Variants in CD84 observed in about 807,000 individuals in gnomAD.
CD84 encodes SLAM family member 5.
CD84 carries 22 observed loss-of-function variants against 33.8 expected under a neutral mutation model. That is an observed-to-expected ratio of 0.65 (90% confidence interval 0.46 to 0.93). The LOEUF (loss-of-function observed/expected upper bound fraction) is 0.93, where lower values mean the gene tolerates loss of function less well. Among genes scored for constraint, CD84 ranks in the 40% least tolerant of loss-of-function variants. CD84 has a pLI of 0.00. For missense variants in CD84, 400 were observed against 397.6 expected (o/e 1.01, Z -0.05); for synonymous variants, 154 against 145.2 (o/e 1.06, Z -0.44).
intron 1 of CD84, among the ~76,000 whole-genome samples, chr1:160,575,374 A>G (rs1657931596): frequency 6.6e-6 from 1 of 152,126 alleles, no homozygotes; most frequent in Non-Finnish European, 1.5e-5. Context: ...GTCCTTGATC[A>G]TGAGGTTTTA....
At chr1:160,561,784 T>C (rs73505242) in intron 2 of CD84, among the ~76,000 whole-genome samples, 7,554 of 152,072 alleles carry the variant, frequency 0.05, 634 homozygotes, top group African/African-American at 0.17. Flanking sequence ...AGGCCAATAT[T>C]TTCTTAAGCT....
chr1:160,551,543 T>G (rs1656222350), intron 4 of CD84: 1 of 162,770 alleles, frequency 6.1e-6, no homozygotes, highest in South Asian at 1.7e-4. Context: ...TCACAGTCTG[T>G]TTTTGTTTGT....
intron 1 of CD84, among the ~76,000 whole-genome samples, chr1:160,568,909 C>T (rs1029649826): frequency 6.6e-6 from 1 of 152,306 alleles, no homozygotes; most frequent in East Asian, 1.9e-4. Context: ...GTCACAAAAC[C>T]TTTCTGAACC....
At chr1:160,568,180 A>C (rs907368669) in intron 1 of CD84, among the ~76,000 whole-genome samples, 10 of 152,102 alleles carry the variant, frequency 6.6e-5, no homozygotes, top group Non-Finnish European at 1.5e-5. Context: ...TCTCTCACTA[A>C]ACCCCAGGAA....
At chr1:160,561,624 A>G (rs1297621019) in intron 2 of CD84, among the ~76,000 whole-genome samples, 1 of 152,206 alleles carries the variant, frequency 6.6e-6, no homozygotes, top group African/African-American at 2.4e-5. Flanking sequence ...GCCCTCTTTC[A>G]TCACTCCTAT....
chr1:160,542,698 A>C lies in CD84; in HGVS notation c.*5558T>G, dbSNP rs1354780994. ...TTGAGAACTGTCTGGGCAATCAGCC[A>C]GCAACAGTTAATAATTATCATCCAT... is the stretch of plus-strand genomic sequence containing the variant. On this transcript the variant is annotated 3_prime_UTR_variant, in exon 7 of 7. Coordinates refer to ENST00000368054, the MANE Select transcript of CD84 (RefSeq NM_003874.4). 6.6e-6 allele frequency: 1 copy of C among 152,252 alleles called. No individual in the cohort carries two copies. The highest frequency in any genetic ancestry group is 1.9e-4 in the East Asian group (1 of 5,206). 9.4% of individuals were successfully genotyped at this position (152,252 alleles called of 1,614,324 possible).
intron 1 of CD84, among the ~76,000 whole-genome samples, chr1:160,578,955 T>C (rs150939143): frequency 1.4e-3 from 214 of 152,288 alleles, no homozygotes; most frequent in African/African-American, 5.0e-3. Context: ...CATCCATCAC[T>C]CTAACCTGAT....
intron 6 of CD84, among the ~76,000 whole-genome samples, chr1:160,548,667 GT>G (rs918570361): frequency 2.0e-5 from 3 of 152,236 alleles, no homozygotes; most frequent in Non-Finnish European, 2.9e-5. Context: ...TTGACCCCTA[GT>G]TTTTTTGTAT....
intron 1 of CD84, among the ~76,000 whole-genome samples, chr1:160,576,227 G>A (rs1207039550): frequency 6.6e-6 from 1 of 152,102 alleles, no homozygotes; most frequent in South Asian, 2.1e-4. Context: ...GTTACCCATA[G>A]TGAGCCCACT....
rs1656143378 is a variant in CD84 at position 160,550,587 on chromosome 1, T to C, written c.858+351A>G. 3 of 980,876 alleles carry C rather than the reference T, an allele frequency of 3.1e-6. No homozygotes were observed. In the African/African-American group the frequency reaches 5.2e-5, roughly 17 times the overall value. The allele number at this position is 980,876 out of a possible 1,614,324, so 60.8% of individuals were successfully genotyped here. A position where few individuals can be genotyped will look rare whatever the true frequency, so the allele number is the denominator to read the frequency against. The stretch of plus-strand genomic sequence containing the variant: ...CCCCTTAGCAACCTGTTCACCACGT[T>C]GGTAGTCACATAGCAGCCCTCACCT... On this transcript the variant is annotated intron_variant, in intron 5 of 6. Transcript: ENST00000368054.
At chr1:160,571,092 T>A (rs1657666711) in intron 1 of CD84, 1 of 152,054 alleles carries the variant, frequency 6.6e-6, no homozygotes, top group African/African-American at 2.4e-5. Flanking sequence ...CTCCGCACTT[T>A]TTTACATGAG....
intron 1 of CD84, among the ~76,000 whole-genome samples, chr1:160,572,248 T>C (rs1294521054): frequency 6.6e-6 from 1 of 152,124 alleles, no homozygotes; most frequent in African/African-American, 2.4e-5. Flanking sequence ...AGTGGACATT[T>C]TGGAATAGAT....
At chr1:160,570,459 G>T (rs1002717994) in intron 1 of CD84, among the ~76,000 whole-genome samples, 1 of 152,168 alleles carries the variant, frequency 6.6e-6, no homozygotes, top group Non-Finnish European at 1.5e-5. Flanking sequence ...GAGCCACCCA[G>T]AGTAAAGACT....
At position 160,542,916 on chromosome 1, in the gene CD84, G is replaced by GTTT. The variant is rs201121353; in HGVS notation, c.*5337_*5339dup. ...TATTTAAGTCTAAACATGCACAGTTGTTTTTTTTAACCACTAAATTGTTCA... is the reference window on the plus strand; with the variant it reads ...TATTTAAGTCTAAACATGCACAGTTGTTTTTTTTTTTAACCACTAAATTGTTCA... On this transcript the variant is annotated 3_prime_UTR_variant, in exon 7 of 7. Transcript: ENST00000368054. The GTTT allele has an allele frequency of 2.0e-5, 3 of 151,712 alleles. No individual in the cohort carries two copies. The highest frequency in any genetic ancestry group is 7.3e-5 in the African/African-American group (3 of 41,288). 9.4% of individuals were successfully genotyped at this position (151,712 alleles called of 1,614,324 possible). A position where few individuals can be genotyped will look rare whatever the true frequency, so the allele number is the denominator to read the frequency against.
chr1:160,552,697 G>T (rs1053508553), intron 4 of CD84: 28 of 1,543,444 alleles, frequency 1.8e-5, no homozygotes, highest in African/African-American at 1.5e-4. Flanking sequence ...TTGTGGCTGA[G>T]AACTTACAAG....
intron 2 of CD84, among the ~76,000 whole-genome samples, chr1:160,565,013 T>C (rs1398708680): frequency 1.3e-5 from 2 of 152,220 alleles, no homozygotes. Flanking sequence ...GAAGGGTACA[T>C]AGAACCTCCC....
At chr1:160,554,872 C>G (rs1282255794) in intron 2 of CD84, among the ~76,000 whole-genome samples, 1 of 143,690 alleles carries the variant, frequency 7.0e-6, no homozygotes, top group Non-Finnish European at 1.5e-5. Flanking sequence ...TGGAATTTAT[C>G]CTCTAGTGCC....
At chr1:160,551,707 C>T (rs1418453577) in intron 4 of CD84, among the ~76,000 whole-genome samples, 1 of 152,102 alleles carries the variant, frequency 6.6e-6, no homozygotes, top group African/African-American at 2.4e-5. Flanking sequence ...CCACACCCAG[C>T]AAATTTTTTG....
intron 2 of CD84, among the ~76,000 whole-genome samples, chr1:160,557,622 A>T (rs902110462): frequency 1.3e-5 from 2 of 152,272 alleles, no homozygotes; most frequent in Non-Finnish European, 2.9e-5. Flanking sequence ...AAGAAATGTA[A>T]TGTGAGTCAC....
Sources: allele counts gnomAD v4.1 joint callset (sites outside exome capture counted in the v4.1 genomes callset), GRCh38; gene constraint gnomAD v4.1.1; transcripts MANE v1.5; gene names NCBI Gene and HGNC (gene_info 2026-07-23, HGNC 2026-07-21).